Variants in DTD1 observed in about 807,000 individuals in gnomAD.
DTD1 encodes the protein D-aminoacyl-tRNA deacylase 1, also known as D-tyrosyl-tRNA deacylase 1 homolog.
DTD1 carries 13 observed loss-of-function variants against 25.6 expected under a neutral mutation model. The ratio of observed to expected loss-of-function variants is 0.51; its 90% CI spans 0.33 to 0.81. The LOEUF (loss-of-function observed/expected upper bound fraction) is 0.81. DTD1 is among the 30% of genes least tolerant of loss of function. DTD1 has a pLI of 0.02. For missense variants in DTD1, 193 were observed against 266.4 expected (o/e 0.72, Z 1.92); for synonymous variants, 110 against 103.6 (o/e 1.06, Z -0.37).
chr20:18,751,084 T>TGTGTGG (rs771328640), intron 5 of DTD1, among the ~76,000 whole-genome samples: 1 of 151,312 alleles, frequency 6.6e-6, no homozygotes, highest in Admixed American at 6.6e-5. Flanking sequence ...TGTGTGTGTG[T>TGTGTGG]GGGTGTGTGT....
At chr20:18,759,404 T>C (rs1354234753) in intron 5 of DTD1, among the ~76,000 whole-genome samples, 1 of 152,242 alleles carries the variant, frequency 6.6e-6, no homozygotes, top group Non-Finnish European at 1.5e-5. Context: ...TAGTGCTTCC[T>C]TCAGGAGCTC....
chr20:18,641,851 G>C (rs1208774724), intron 4 of DTD1, among the ~76,000 whole-genome samples: 1 of 152,158 alleles, frequency 6.6e-6, no homozygotes, highest in African/African-American at 2.4e-5. Flanking sequence ...CTGATGTACA[G>C]AAGTTTTTAA....
intron 4 of DTD1, among the ~76,000 whole-genome samples, chr20:18,639,755 T>C (rs367772582): frequency 6.6e-6 from 1 of 152,214 alleles, no homozygotes. Context: ...CTATTTTTAA[T>C]CATGAAAGTG....
chr20:18,696,001 TAGG>T (rs1277787388), intron 4 of DTD1, among the ~76,000 whole-genome samples: 3 of 152,022 alleles, frequency 2.0e-5, no homozygotes, highest in Non-Finnish European at 4.4e-5. Context: ...GTCAGGAAGA[TAGG>T]AGGATTTAAG....
intron 4 of DTD1, among the ~76,000 whole-genome samples, chr20:18,650,667 G>C (rs1331870287): frequency 6.6e-6 from 1 of 152,174 alleles, no homozygotes; most frequent in East Asian, 1.9e-4. Flanking sequence ...CCCAAGGGCA[G>C]GGATCTTAGA....
At chr20:18,744,305 C>A (rs1460743489) in intron 5 of DTD1, 34 bp downstream of exon 5, 10 of 1,598,420 alleles carry the variant, frequency 6.3e-6, no homozygotes, top group Non-Finnish European at 8.5e-6. Flanking sequence ...CATCTTCCCA[C>A]ATTTTGGGGA....
At chr20:18,733,390 C>A (rs1159938006) in intron 4 of DTD1, among the ~76,000 whole-genome samples, 1 of 152,196 alleles carries the variant, frequency 6.6e-6, no homozygotes, top group Non-Finnish European at 1.5e-5. Flanking sequence ...TCCATGGAGG[C>A]TGCAGGTGAC....
At chr20:18,648,344 TG>T (rs1373154007) in intron 4 of DTD1, among the ~76,000 whole-genome samples, 1 of 152,154 alleles carries the variant, frequency 6.6e-6, no homozygotes, top group Non-Finnish European at 1.5e-5. Context: ...CCCAAGCCAA[TG>T]ACACCAGATT....
chr20:18,668,235 C>T (rs1226113319), intron 4 of DTD1, among the ~76,000 whole-genome samples: 1 of 152,156 alleles, frequency 6.6e-6, no homozygotes, highest in Admixed American at 6.6e-5. Context: ...CTTAGAAACA[C>T]ATTTTGGGCT....
At chr20:18,699,042 G>A (rs2061091508) in intron 4 of DTD1, among the ~76,000 whole-genome samples, 1 of 152,178 alleles carries the variant, frequency 6.6e-6, no homozygotes, top group Admixed American at 6.5e-5. Context: ...TTACTGTCCA[G>A]CAGGTCACCA....
intron 4 of DTD1, among the ~76,000 whole-genome samples, chr20:18,690,428 C>T (rs1355537900): frequency 1.3e-5 from 2 of 152,132 alleles, no homozygotes; most frequent in African/African-American, 4.8e-5. Flanking sequence ...AAAGCTTATG[C>T]CAAGAGGGTA....
chr20:18,625,364 TG>T (rs990985154), intron 3 of DTD1, among the ~76,000 whole-genome samples: 2 of 152,266 alleles, frequency 1.3e-5, no homozygotes, highest in African/African-American at 4.8e-5. Flanking sequence ...CTAGAGCTAC[TG>T]GTCTCTGCCT....
At chr20:18,660,642 A>T (rs540863098) in intron 4 of DTD1, among the ~76,000 whole-genome samples, 1 of 152,230 alleles carries the variant, frequency 6.6e-6, no homozygotes, top group Admixed American at 6.5e-5. Flanking sequence ...TAGACATCCT[A>T]TCGGCTCATT....
intron 4 of DTD1, among the ~76,000 whole-genome samples, chr20:18,696,269 G>A (rs749622136): frequency 6.6e-6 from 1 of 151,750 alleles, no homozygotes; most frequent in Non-Finnish European, 1.5e-5. Flanking sequence ...TAATGTCTTT[G>A]AGCAAGTCAG....
intron 4 of DTD1, among the ~76,000 whole-genome samples, chr20:18,707,842 T>C (rs550837911): frequency 5.2e-4 from 79 of 151,772 alleles, no homozygotes; most frequent in Non-Finnish European, 9.1e-4. Context: ...AAGAGAAGAG[T>C]AGAGGGGACT....
At chr20:18,645,188 G>A (rs1427803120) in intron 4 of DTD1, among the ~76,000 whole-genome samples, 1 of 152,174 alleles carries the variant, frequency 6.6e-6, no homozygotes, top group Non-Finnish European at 1.5e-5. Flanking sequence ...TCAATCACCT[G>A]TGGTACATGG....
intron 2 of DTD1, among the ~76,000 whole-genome samples, chr20:18,594,030 G>A (rs1436989792): frequency 3.0e-4 from 45 of 152,162 alleles, no homozygotes; most frequent in Non-Finnish European, 1.3e-4. Context: ...CTTTGAGCAG[G>A]AGCACCGCCT....
Position 18,706,975 on chromosome 20 carries a change from G to A in DTD1, c.478-37125G>A, listed in dbSNP as rs77777380. The stretch of plus-strand genomic sequence containing the variant: ...ATCAGGTGTGCCCCCTGGAGACCCC[G>A]TGTGCTGAGGGGGCTGAATAGCAGT... On this transcript the variant is annotated intron_variant, in intron 4 of 5. Coordinates refer to ENST00000377452, the MANE Select transcript of DTD1 (RefSeq NM_080820.6). Among the ~76,000 whole-genome samples, 1,388 of 152,322 alleles carry A rather than the reference G, an allele frequency of 9.1e-3. 9 individuals are homozygous for A. Among genetic ancestry groups the A allele is most frequent in the Non-Finnish European group, 0.013 (851 of 68,036 alleles).
chr20:18,599,332 A>C (rs1366938911), intron 3 of DTD1, among the ~76,000 whole-genome samples: 1 of 151,646 alleles, frequency 6.6e-6, no homozygotes, highest in Non-Finnish European at 1.5e-5. Flanking sequence ...GTGCCACCAC[A>C]CCTGGCTAAT....
Sources: gnomAD v4.1 joint callset for allele counts (sites outside exome capture counted in the v4.1 genomes callset) on GRCh38, gnomAD v4.1.1 for gene constraint, MANE v1.5 for transcripts, NCBI Gene and HGNC (gene_info 2026-07-23, HGNC 2026-07-21) for gene names.